RAD51B: variants seen among roughly 807,000 people sequenced by gnomAD.
The protein encoded by RAD51B is RAD51 paralog B, also known as DNA repair protein RAD51 homolog 2.
A neutral mutation model predicts 42.2 loss-of-function variants in RAD51B; 38 were observed. The observed-to-expected ratio is 0.90, with a 90% CI of 0.70 to 1.18. The LOEUF (loss-of-function observed/expected upper bound fraction) is 1.18, where lower values mean the gene tolerates loss of function less well. Ranked by LOEUF, RAD51B falls within the 50% of genes most tolerant of loss-of-function variation. The pLI is 0.00. For synonymous variants in RAD51B, 154 were observed against 145.2 expected (o/e 1.06, Z -0.43); for missense variants, 373 against 400.7 (o/e 0.93, Z 0.59).
intron 7 of RAD51B, among the ~76,000 whole-genome samples, chr14:68,127,483 A>G (rs1300751523): frequency 2.0e-5 from 3 of 152,164 alleles, no homozygotes; most frequent in African/African-American, 7.2e-5. Flanking sequence ...TTTGTATTGA[A>G]TGAATGTTGG....
intron 9 of RAD51B, among the ~76,000 whole-genome samples, chr14:68,438,856 A>G (rs1051385814): frequency 1.3e-5 from 2 of 152,182 alleles, no homozygotes; most frequent in African/African-American, 4.8e-5. Flanking sequence ...TAGCAAATGT[A>G]AAGTCCAGGG....
chr14:67,859,007 G>A (rs1180655594), intron 4 of RAD51B, among the ~76,000 whole-genome samples: 1 of 152,182 alleles, frequency 6.6e-6, no homozygotes, highest in African/African-American at 2.4e-5. Flanking sequence ...TGTTTCATTA[G>A]GTTGTGGGAA....
At chr14:68,219,386 C>G (rs1297016405) in intron 7 of RAD51B, among the ~76,000 whole-genome samples, 1 of 152,178 alleles carries the variant, frequency 6.6e-6, no homozygotes. Context: ...GGCCAACTAA[C>G]ACAAAACCAA....
At chr14:68,203,269 A>G (rs2079526507) in intron 7 of RAD51B, among the ~76,000 whole-genome samples, 1 of 152,216 alleles carries the variant, frequency 6.6e-6, no homozygotes, top group South Asian at 2.1e-4. Flanking sequence ...CACATGGGAT[A>G]CAGAATCAGG....
At chr14:68,248,927 G>T (rs2080559703) in intron 7 of RAD51B, among the ~76,000 whole-genome samples, 1 of 152,258 alleles carries the variant, frequency 6.6e-6, no homozygotes, top group Non-Finnish European at 1.5e-5. Context: ...CCTCGCCTTT[G>T]TGTGGCAGTG....
At chr14:68,021,218 T>A (rs2075859112) in intron 7 of RAD51B, among the ~76,000 whole-genome samples, 2 of 152,214 alleles carry the variant, frequency 1.3e-5, no homozygotes, top group Admixed American at 1.3e-4. Context: ...ACTAAGTTAA[T>A]GTTCTATTAG....
intron 5 of RAD51B, among the ~76,000 whole-genome samples, chr14:67,885,166 A>AT (rs2043026108): frequency 6.6e-6 from 1 of 152,184 alleles, no homozygotes; most frequent in African/African-American, 2.4e-5. Context: ...AAAGACTTAT[A>AT]TTTTTAACAT....
intron 7 of RAD51B, among the ~76,000 whole-genome samples, chr14:67,986,199 G>A (rs536519936): frequency 7.2e-5 from 11 of 152,308 alleles, no homozygotes; most frequent in Admixed American, 1.3e-4. Context: ...TTCTATGCAC[G>A]TATGATACTT....
At chr14:68,223,970 A>T (rs1035548266) in intron 7 of RAD51B, among the ~76,000 whole-genome samples, 3 of 152,208 alleles carry the variant, frequency 2.0e-5, no homozygotes, top group Non-Finnish European at 2.9e-5. Context: ...AAAAATTACA[A>T]ATCAGCCTCA....
chr14:67,822,656 G>T (rs144451234), intron 1 of RAD51B, among the ~76,000 whole-genome samples: 14,806 of 152,192 alleles, frequency 0.097, 979 homozygotes, highest in Middle Eastern at 0.24. Flanking sequence ...CCAGGAGGGG[G>T]AGGTTGCAGT....
intron 8 of RAD51B, among the ~76,000 whole-genome samples, chr14:68,407,188 A>T (rs1056716858): frequency 1.3e-5 from 2 of 152,230 alleles, no homozygotes; most frequent in Non-Finnish European, 2.9e-5. Flanking sequence ...TAAACTACAT[A>T]AAAGTATATA....
At chr14:68,427,892 G>T (rs1220703735) in intron 9 of RAD51B, among the ~76,000 whole-genome samples, 1 of 152,232 alleles carries the variant, frequency 6.6e-6, no homozygotes, top group African/African-American at 2.4e-5. Flanking sequence ...AATGACCATT[G>T]TGATAGTATT....
intron 7 of RAD51B, among the ~76,000 whole-genome samples, chr14:68,144,241 G>C (rs1202989043): frequency 6.6e-6 from 1 of 152,166 alleles, no homozygotes; most frequent in East Asian, 1.9e-4. Context: ...TGGAGAACTA[G>C]CTTAGGTGTA....
chr14:68,211,277 G>T (rs78860770), intron 7 of RAD51B, among the ~76,000 whole-genome samples: 3,767 of 152,190 alleles, frequency 0.025, 173 homozygotes, highest in African/African-American at 0.087. Flanking sequence ...TCCACTTTTA[G>T]TTCAAGGGCC....
At chr14:68,082,191 A>G (rs2076922331) in intron 7 of RAD51B, among the ~76,000 whole-genome samples, 1 of 151,888 alleles carries the variant, frequency 6.6e-6, no homozygotes, top group Admixed American at 6.6e-5. Context: ...CGATCTCCTG[A>G]CCTCGTGATC....
chr14:68,655,066 CT>C (rs1892782890), intron 11 of RAD51B, among the ~76,000 whole-genome samples: 1 of 152,126 alleles, frequency 6.6e-6, no homozygotes, highest in Non-Finnish European at 1.5e-5. Context: ...TATGTAACAC[CT>C]TTCCCCAGCA....
At chr14:68,149,408 A>G (rs1222885277) in intron 7 of RAD51B, among the ~76,000 whole-genome samples, 1 of 152,210 alleles carries the variant, frequency 6.6e-6, no homozygotes, top group Non-Finnish European at 1.5e-5. Flanking sequence ...GACTGATGTG[A>G]ATGACTATTT....
intron 7 of RAD51B, 76 bp downstream of exon 7, chr14:67,887,280 A>G: frequency 8.0e-7 from 1 of 1,244,176 alleles, no homozygotes; most frequent in Non-Finnish European, 1.1e-6. Context: ...GACTTATGGT[A>G]TCAAATAATA....
intron 7 of RAD51B, among the ~76,000 whole-genome samples, chr14:68,107,430 A>T (rs2077393607): frequency 6.6e-6 from 1 of 151,826 alleles, no homozygotes; most frequent in Non-Finnish European, 1.5e-5. Flanking sequence ...ATCTACGTGG[A>T]TCTACATAGT....
Sources: allele counts gnomAD v4.1 joint callset (sites outside exome capture counted in the v4.1 genomes callset), GRCh38; gene constraint gnomAD v4.1.1; transcripts MANE v1.5; gene names NCBI Gene and HGNC (gene_info 2026-07-23, HGNC 2026-07-21).